The following RMND5A variants were observed in gnomAD, a reference collection of about 807,000 sequenced individuals.
The protein encoded by RMND5A is required for meiotic nuclear division 5 homolog A, also known as E3 ubiquitin-protein transferase RMND5A.
RMND5A carries 17 observed loss-of-function variants against 49.7 expected under a neutral mutation model. The ratio of observed to expected loss-of-function variants is 0.34; its 90% confidence interval spans 0.23 to 0.51. The LOEUF is 0.51. RMND5A is among the 20% of genes least tolerant of loss of function. The pLI, the probability that RMND5A is intolerant of heterozygous loss-of-function variation, is 0.96. For synonymous variants in RMND5A, 156 were observed against 167.7 expected (o/e 0.93, Z 0.54); for missense variants, 255 against 471.3 (o/e 0.54, Z 4.25).
chr2:86,747,126 C>T (rs1335934783), intron 2 of RMND5A, among the ~76,000 whole-genome samples: 1 of 152,182 alleles, frequency 6.6e-6, no homozygotes, highest in African/African-American at 2.4e-5. Context: ...CAATTTACAG[C>T]CCTACCAAAC....
At chr2:86,728,792 C>T (rs1681309218) in intron 1 of RMND5A, among the ~76,000 whole-genome samples, 1 of 140,064 alleles carries the variant, frequency 7.1e-6, no homozygotes. Flanking sequence ...CTCGCTCTGT[C>T]ACCCAGGCTG....
In RMND5A at chr2:86,777,753, A is replaced by G. The variant is rs1367845205; in HGVS notation, c.*4342A>G. 1 of 152,232 alleles carries G rather than the reference A, an allele frequency of 6.6e-6. No homozygotes were observed. The highest frequency in any genetic ancestry group is 1.5e-5 in the Non-Finnish European group (1 of 68,032). The allele number at this position is 152,232 out of a possible 1,614,324, so 9.4% of individuals were successfully genotyped here. A position where few individuals can be genotyped will look rare whatever the true frequency, so the allele number is the denominator to read the frequency against. On this transcript the variant is annotated 3_prime_UTR_variant, in exon 9 of 9. Transcript: ENST00000283632. ...GTTTGCAAAGGCACAGTAAAGTTGC[A>G]TCTTATAGACTATAGGCAATAAAGC...
At position 86,776,510 on chromosome 2, in the gene RMND5A, A is replaced by G. The variant is rs1305006419; in HGVS notation, c.*3099A>G. On this transcript the variant is annotated 3_prime_UTR_variant, in exon 9 of 9. Transcript: ENST00000283632. ...ATCCTGATCCTCTTTTGTCCTCTCC[A>G]GGTAGTCTCGCAGGTTATGCAGCTT... 6.6e-6 allele frequency: 1 copy of G among 152,220 alleles called. No homozygotes were observed. Among genetic ancestry groups the G allele is most frequent in the East Asian group, 1.9e-4 (1 of 5,200 alleles). The allele number at this position is 152,220 out of a possible 1,614,324, so 9.4% of individuals were successfully genotyped here.
chr2:86,728,731 TA>T, intron 1 of RMND5A, among the ~76,000 whole-genome samples: 1 of 142,054 alleles, frequency 7.0e-6, no homozygotes, highest in Non-Finnish European at 1.5e-5. Flanking sequence ...GTGTTATTTA[TA>T]AAGTCTGTGC....
chr2:86,725,726 C>T (rs1681279689), intron 1 of RMND5A, among the ~76,000 whole-genome samples: 1 of 79,344 alleles, frequency 1.3e-5, no homozygotes, highest in African/African-American at 4.7e-5. Flanking sequence ...AGTGAAATGA[C>T]GATTTGTCAC....
chr2:86,729,117 A>C (rs1217893792), intron 1 of RMND5A, among the ~76,000 whole-genome samples: 141 of 152,352 alleles, frequency 9.3e-4, no homozygotes, highest in African/African-American at 3.1e-3. Context: ...GGTTTATGTT[A>C]AATACCACTC....
chr2:86,760,908 G>A (rs1465742578), intron 4 of RMND5A, among the ~76,000 whole-genome samples: 1 of 151,888 alleles, frequency 6.6e-6, no homozygotes, highest in Non-Finnish European at 1.5e-5. Context: ...CACTAGAATA[G>A]AAAGATGCTT....
chr2:86,769,008 C>T (rs902664562), intron 6 of RMND5A, among the ~76,000 whole-genome samples: 73 of 152,290 alleles, frequency 4.8e-4, no homozygotes, highest in African/African-American at 1.6e-3. Context: ...TGCAGTGGCA[C>T]GATCGTGGCT....
At chr2:86,765,344 C>G in intron 5 of RMND5A, 151 bp downstream of exon 5, 1 of 680,670 alleles carries the variant, frequency 1.5e-6, no homozygotes, top group East Asian at 3.1e-5. Context: ...TGGCTCTAGA[C>G]AAAAACAAAA....
At chr2:86,764,358 T>G (rs1258211202) in intron 4 of RMND5A, among the ~76,000 whole-genome samples, 3 of 152,242 alleles carry the variant, frequency 2.0e-5, no homozygotes, top group African/African-American at 7.2e-5. Flanking sequence ...CTCACCTGAC[T>G]TGGTAGTTCC....
In RMND5A at chr2:86,742,775, C is replaced by A. The variant is rs1238582042; in HGVS notation, c.285+1706C>A. 2.7e-5 allele frequency among the ~76,000 whole-genome samples: 4 copies of A among 150,204 alleles called. No homozygotes were observed. In the South Asian group the frequency reaches 8.6e-4, roughly 32 times the overall value. On this transcript the variant is annotated intron_variant, in intron 2 of 8. Coordinates refer to ENST00000283632, the MANE Select transcript of RMND5A (RefSeq NM_022780.4). ...AAGTTCTTGGGGACATCTGCTTGAC[C>A]ACCAGGCTGCCTGCAGTTATAACAG...
rs1672755448 is a variant in RMND5A, at chr2:86,775,627, A to C, written c.*2216A>C. On this transcript the variant is annotated 3_prime_UTR_variant, in exon 9 of 9. Coordinates refer to ENST00000283632, the MANE Select transcript of RMND5A (RefSeq NM_022780.4). ...GAAAACTTTGAAAAGAACATGCTTTAACTGAAGCATTGGACTCTGCAGCTT... is the reference window on the plus strand; with the variant it reads ...GAAAACTTTGAAAAGAACATGCTTTCACTGAAGCATTGGACTCTGCAGCTT... 6.6e-6 allele frequency: 1 copy of C among 152,184 alleles called. No individual in the cohort carries two copies. The highest frequency in any genetic ancestry group is 1.5e-5 in the Non-Finnish European group (1 of 68,030). 9.4% of individuals were successfully genotyped at this position (152,184 alleles called of 1,614,324 possible). A position where few individuals can be genotyped will look rare whatever the true frequency, so the allele number is the denominator to read the frequency against.
intron 4 of RMND5A, among the ~76,000 whole-genome samples, chr2:86,763,193 T>C (rs1224689962): frequency 3.0e-5 from 1 of 33,724 alleles, no homozygotes; most frequent in Non-Finnish European, 1.2e-4. Flanking sequence ...TTAAAATTTG[T>C]AGTTACTCTA....
At chr2:86,746,827 T>C (rs1452868378) in intron 2 of RMND5A, among the ~76,000 whole-genome samples, 17 of 152,244 alleles carry the variant, frequency 1.1e-4, no homozygotes, top group Admixed American at 1.1e-3. Context: ...CGTTACTCCC[T>C]CATTTTTTAA....
chr2:86,761,776 C>T (rs1174283904), intron 4 of RMND5A, among the ~76,000 whole-genome samples: 2 of 152,106 alleles, frequency 1.3e-5, no homozygotes, highest in African/African-American at 4.8e-5. Flanking sequence ...AAGGTATCTA[C>T]TTACTTTTCT....
chr2:86,721,324 G>C (rs1681216363), intron 1 of RMND5A, among the ~76,000 whole-genome samples: 1 of 151,844 alleles, frequency 6.6e-6, no homozygotes, highest in African/African-American at 2.4e-5. Context: ...TTGGAAAGTC[G>C]AGCGTTATTC....
Position 86,777,586 on chromosome 2 carries a change from T to C in RMND5A, c.*4175T>C, listed in dbSNP as rs1051302393. 2.0e-5 allele frequency: 3 copies of C among 152,234 alleles called. No individual in the cohort carries two copies. In the East Asian group the frequency reaches 5.8e-4, roughly 29 times the overall value. The allele number at this position is 152,234 out of a possible 1,614,324, so 9.4% of individuals were successfully genotyped here. A position where few individuals can be genotyped will look rare whatever the true frequency, so the allele number is the denominator to read the frequency against. On this transcript the variant is annotated 3_prime_UTR_variant, in exon 9 of 9. Coordinates refer to ENST00000283632, the MANE Select transcript of RMND5A (RefSeq NM_022780.4). Reference sequence around the variant, plus strand: ...ATCATCTTGTTCAGATGGCTCAGGATTGTATTTATTTTGCTTACCCCGTGC... The same window carrying C: ...ATCATCTTGTTCAGATGGCTCAGGACTGTATTTATTTTGCTTACCCCGTGC...
At chr2:86,761,944 C>T (rs1424372455) in intron 4 of RMND5A, among the ~76,000 whole-genome samples, 2 of 151,982 alleles carry the variant, frequency 1.3e-5, no homozygotes, top group South Asian at 2.1e-4. Context: ...GGTTAAGTGG[C>T]GTACAGGTGT....
intron 1 of RMND5A, among the ~76,000 whole-genome samples, chr2:86,736,324 T>G (rs1031396330): frequency 7.7e-5 from 9 of 116,144 alleles, no homozygotes; most frequent in Admixed American, 2.8e-4. Flanking sequence ...GCTTGGACTG[T>G]GGGCGTGCAC....
Sources: gnomAD v4.1 joint callset for allele counts (sites outside exome capture counted in the v4.1 genomes callset) on GRCh38, gnomAD v4.1.1 for gene constraint, MANE v1.5 for transcripts, NCBI Gene and HGNC (gene_info 2026-07-23, HGNC 2026-07-21) for gene names.